The following EIF4G3 variants were observed in gnomAD, a reference collection of about 807,000 sequenced individuals.
The protein encoded by EIF4G3 is eukaryotic translation initiation factor 4 gamma 3.
In EIF4G3, 34 loss-of-function variants were observed where a neutral mutation model predicts 186.4. The ratio of observed to expected loss-of-function variants is 0.18; its 90% CI spans 0.14 to 0.24. The LOEUF is 0.24. EIF4G3 is among the 10% of genes least tolerant of loss of function. The probability of loss-of-function intolerance (pLI) is 1.00; values close to 1 mark genes in which losing one functional copy is unlikely to be tolerated. For synonymous variants in EIF4G3, 673 were observed against 679.5 expected (o/e 0.99, Z 0.15); for missense variants, 1,536 against 1,948.5 (o/e 0.79, Z 3.99).
At position 20,857,374 on chromosome 1, in the gene EIF4G3, G is replaced by A. The variant is rs770683791; in HGVS notation, c.3339+29C>T. The A allele has an allele frequency of 8.4e-6, 13 of 1,550,230 alleles. 1 individual carries two copies. The highest frequency in any genetic ancestry group is 5.4e-5 in the African/African-American group (4 of 73,584). ...AATATCAAAGGCATCAAAGGAGAGC[G>A]TAAATTGTACTTTAAATGTCAGACT... On this transcript the variant is annotated intron_variant, in intron 25 of 36. Transcript: ENST00000602326.
At chr1:21,018,173 TG>T in intron 4 of EIF4G3, among the ~76,000 whole-genome samples, 1 of 152,296 alleles carries the variant, frequency 6.6e-6, no homozygotes, top group Admixed American at 6.5e-5. Flanking sequence ...CTCAAATTCC[TG>T]GGCTCAATCA....
chr1:20,960,090 C>T (rs751372681), intron 12 of EIF4G3, among the ~76,000 whole-genome samples: 3 of 152,160 alleles, frequency 2.0e-5, no homozygotes, highest in Non-Finnish European at 4.4e-5. Flanking sequence ...GATTTGAAAA[C>T]GTATGTTTAT....
At chr1:21,025,997 T>A (rs554061101) in intron 4 of EIF4G3, among the ~76,000 whole-genome samples, 21 of 152,294 alleles carry the variant, frequency 1.4e-4, no homozygotes, top group African/African-American at 4.8e-4. Context: ...ACAGATTCAA[T>A]GCAATCTCTA....
At chr1:20,952,027 A>T (rs1264237271) in intron 12 of EIF4G3, among the ~76,000 whole-genome samples, 1 of 152,236 alleles carries the variant, frequency 6.6e-6, no homozygotes, top group Admixed American at 6.5e-5. Flanking sequence ...ATGCTGGGAA[A>T]GTACTTCTCA....
At chr1:21,127,751 G>A (rs944917118) in intron 2 of EIF4G3, among the ~76,000 whole-genome samples, 4 of 152,116 alleles carry the variant, frequency 2.6e-5, no homozygotes, top group African/African-American at 9.7e-5. Flanking sequence ...CACAAAATAT[G>A]AGAAAAGTAC....
At chr1:20,925,889 T>C (rs1410707419) in intron 14 of EIF4G3, among the ~76,000 whole-genome samples, 3 of 152,226 alleles carry the variant, frequency 2.0e-5, no homozygotes, top group Non-Finnish European at 2.9e-5. Context: ...GTTACATGCA[T>C]GAATTCTGGA....
intron 3 of EIF4G3, among the ~76,000 whole-genome samples, chr1:21,058,310 A>C (rs1412471416): frequency 2.0e-5 from 3 of 152,156 alleles, no homozygotes; most frequent in Non-Finnish European, 4.4e-5. Context: ...TCCTGTAGTC[A>C]AGTACTGGCA....
chr1:21,082,224 AG>A (rs1323840719), intron 3 of EIF4G3, among the ~76,000 whole-genome samples: 1 of 150,498 alleles, frequency 6.6e-6, no homozygotes, highest in Non-Finnish European at 1.5e-5. Context: ...GAGACTGGCC[AG>A]GAGCCTTTCA....
intron 13 of EIF4G3, among the ~76,000 whole-genome samples, chr1:20,943,073 G>T (rs1283209600): frequency 3.9e-5 from 6 of 152,144 alleles, no homozygotes; most frequent in Non-Finnish European, 8.8e-5. Flanking sequence ...TGAGGTGGGA[G>T]GATCACTTGA....
chr1:21,147,192 G>A (rs929285406), intron 2 of EIF4G3, among the ~76,000 whole-genome samples: 1 of 151,714 alleles, frequency 6.6e-6, no homozygotes, highest in East Asian at 2.0e-4. Context: ...AACCCGGGAG[G>A]CGGAGGTTGC....
chr1:21,129,526 GGA>G (rs2097113763), intron 2 of EIF4G3, among the ~76,000 whole-genome samples: 1 of 150,832 alleles, frequency 6.6e-6, no homozygotes, highest in African/African-American at 2.5e-5. Flanking sequence ...GACAGAAACT[GGA>G]GAGAGTCCCA....
At position 21,044,574 on chromosome 1, in the gene EIF4G3, A is replaced by G. The variant is rs528618980; in HGVS notation, c.-67+6292T>C. On this transcript the variant is annotated intron_variant, in intron 4 of 36. Transcript: ENST00000602326. Reference sequence around the variant, plus strand: ...CAAACTCAGAATTTATATTCTTCACAAAAGGTAACAAAAAGAAAAAAAAGC... The same window carrying G: ...CAAACTCAGAATTTATATTCTTCACGAAAGGTAACAAAAAGAAAAAAAAGC... 2.6e-5 allele frequency among the ~76,000 whole-genome samples: 4 copies of G among 152,250 alleles called. No individual in the cohort carries two copies. The East Asian group carries it at 7.7e-4, about 29-fold the overall frequency.
chr1:20,890,406 A>G (rs551522759), intron 18 of EIF4G3, among the ~76,000 whole-genome samples: 58 of 152,304 alleles, frequency 3.8e-4, no homozygotes, highest in Middle Eastern at 3.4e-3. Flanking sequence ...CAGAAACTGC[A>G]AAGAGTAGGG....
intron 12 of EIF4G3, among the ~76,000 whole-genome samples, chr1:20,952,786 G>A (rs1046800743): frequency 1.3e-5 from 2 of 152,108 alleles, no homozygotes; most frequent in Non-Finnish European, 2.9e-5. Context: ...GGAGGTGGAG[G>A]TTGCAGTGAG....
At chr1:20,883,472 G>C (rs183936666) in intron 19 of EIF4G3, among the ~76,000 whole-genome samples, 1 of 152,074 alleles carries the variant, frequency 6.6e-6, no homozygotes, top group Non-Finnish European at 1.5e-5. Flanking sequence ...TAAAAAGTTA[G>C]CCAGGCATGG....
At chr1:21,114,508 TGGAAAATA>T (rs2096783312) in intron 2 of EIF4G3, among the ~76,000 whole-genome samples, 1 of 152,220 alleles carries the variant, frequency 6.6e-6, no homozygotes, top group Admixed American at 6.5e-5. Context: ...ATAATTTATC[TGGAAAATA>T]TCCAAGCATA....
intron 4 of EIF4G3, among the ~76,000 whole-genome samples, chr1:21,039,551 T>C (rs915683329): frequency 1.3e-5 from 2 of 152,166 alleles, no homozygotes; most frequent in Non-Finnish European, 2.9e-5. Context: ...TCGTCCCAGC[T>C]ACTTGGGAGG....
intron 7 of EIF4G3, among the ~76,000 whole-genome samples, chr1:20,993,069 A>ATTC (rs1293776275): frequency 1.2e-4 from 19 of 152,208 alleles, no homozygotes. Flanking sequence ...GAAAACTGTA[A>ATTC]TTCTAAAAGC....
At chr1:20,905,774 A>G (rs2091895144) in intron 14 of EIF4G3, among the ~76,000 whole-genome samples, 1 of 152,216 alleles carries the variant, frequency 6.6e-6, no homozygotes, top group South Asian at 2.1e-4. Flanking sequence ...ATGAATCAAT[A>G]GACAAGAGTG....
Sources: gnomAD v4.1 joint callset for allele counts (sites outside exome capture counted in the v4.1 genomes callset) on GRCh38, gnomAD v4.1.1 for gene constraint, MANE v1.5 for transcripts, NCBI Gene and HGNC (gene_info 2026-07-23, HGNC 2026-07-21) for gene names.